The following MINAR2 variants were observed in gnomAD, a reference collection of about 807,000 sequenced individuals.
The protein encoded by MINAR2 is major intrinsically disordered NOTCH2-binding receptor 1-like.
A neutral mutation model predicts 16.1 loss-of-function variants in MINAR2; 21 were observed. That is an observed-to-expected ratio of 1.31 (90% CI 0.93 to 1.88). The LOEUF is 1.88. Among genes scored for constraint, MINAR2 ranks in the 40% most tolerant of loss-of-function variants. The pLI, the probability that MINAR2 is intolerant of heterozygous loss-of-function variation, is 0.00. For missense variants in MINAR2, 259 were observed against 229.8 expected (o/e 1.13, Z -0.82); for synonymous variants, 86 against 83.0 (o/e 1.04, Z -0.20).
chr5:129,759,313 G>C (rs11746536), intron 1 of MINAR2, among the ~76,000 whole-genome samples: 74,631 of 151,912 alleles, frequency 0.49, 20,525 homozygotes, highest in Non-Finnish European at 0.62. Flanking sequence ...AAAGATTAAA[G>C]ATTATCTAAA....
At chr5:129,757,882 C>G (rs1758076023) in intron 1 of MINAR2, among the ~76,000 whole-genome samples, 1 of 151,722 alleles carries the variant, frequency 6.6e-6, no homozygotes. Context: ...TTCTGTCTTT[C>G]TTTCTCTCTC....
chr5:129,748,675 C>A (rs1936060484), intron 1 of MINAR2, among the ~76,000 whole-genome samples: 1 of 152,090 alleles, frequency 6.6e-6, no homozygotes, highest in South Asian at 2.1e-4. Flanking sequence ...ACAAATAAGA[C>A]TTTGGGGGAA....
Position 129,760,464 on chromosome 5 carries a change from G to A in MINAR2, c.252G>A (p.Met84Ile). ...CTGCTGATAGCCCCCCACCATCCAT[G>A]TCATCAGTTATGAAGAATAACCCAC... ...LVTADSPPPSMSSVMKNNPLY... is the reference protein window; with the variant it reads ...LVTADSPPPSISSVMKNNPLY... Residue 84 changes from methionine (M) to isoleucine (I), a missense_variant, in exon 2 of 3, where the codon ATG becomes ATA. Met to Ile is a conservative substitution (Grantham distance 10, BLOSUM62 1). Coordinates refer to ENST00000564719, the MANE Select transcript of MINAR2 (RefSeq NM_001257308.2). The A allele has an allele frequency of 2.0e-6, 3 of 1,535,818 alleles. No individual in the cohort carries two copies. Among genetic ancestry groups the A allele is most frequent in the Non-Finnish European group, 2.6e-6 (3 of 1,146,596 alleles).
Position 129,760,415 on chromosome 5 carries a change from G to C in MINAR2, c.203G>C (p.Gly68Ala), listed in dbSNP as rs1330552774. The C allele has an allele frequency of 1.3e-6, 2 of 1,535,566 alleles. No homozygotes were observed. The highest frequency in any genetic ancestry group is 4.9e-5 in the East Asian group (2 of 40,914). Reference sequence around the variant, plus strand: ...AATATTGCTGCTCAACGAATTAGGGGATCCAGTGCAGACAGCCTTGTCACT... The same window carrying C: ...AATATTGCTGCTCAACGAATTAGGGCATCCAGTGCAGACAGCCTTGTCACT... The part of the protein sequence containing the change: ...KKNIAAQRIR[G>A]SSADSLVTAD... The change falls in exon 2 of 3, where the codon GGA (glycine) becomes GCA (alanine). Residue 68 changes from glycine to alanine, a missense_variant. Physicochemically the swap from Gly to Ala is moderately conservative, Grantham distance 60. Transcript: ENST00000564719.
At chr5:129,755,496 C>G (rs570980563) in intron 1 of MINAR2, among the ~76,000 whole-genome samples, 1 of 150,718 alleles carries the variant, frequency 6.6e-6, no homozygotes, top group Non-Finnish European at 1.5e-5. Flanking sequence ...ACTATTGATT[C>G]GACTAGTCAA....
rs184792221 is a variant in MINAR2, at chr5:129,760,238, A to G, written c.166-140A>G. On this transcript the variant is annotated intron_variant, in intron 1 of 2. Transcript: ENST00000564719. Reference sequence around the variant, plus strand: ...AGATTTCTAGGTCAAACGAAACCCTAGAATCCTTTTCTCATTCATTGTCCT... The same window carrying G: ...AGATTTCTAGGTCAAACGAAACCCTGGAATCCTTTTCTCATTCATTGTCCT... 1,056 of 661,310 alleles carry G rather than the reference A, an allele frequency of 1.6e-3. 13 individuals carry two copies. Among genetic ancestry groups the G allele is most frequent in the South Asian group, 2.5e-3 (126 of 51,302 alleles). 41.0% of individuals were successfully genotyped at this position (661,310 alleles called of 1,614,324 possible). A position where few individuals can be genotyped will look rare whatever the true frequency, so the allele number is the denominator to read the frequency against.
Position 129,752,217 on chromosome 5 carries a change from A to G in MINAR2, c.165+3862A>G, listed in dbSNP as rs564897417. Among the ~76,000 whole-genome samples, 4 of 152,318 alleles carry G rather than the reference A, an allele frequency of 2.6e-5. No individual in the cohort carries two copies. The East Asian group carries it at 7.7e-4, about 29-fold the overall frequency. The stretch of plus-strand genomic sequence containing the variant: ...TACCATTTGACCCAGCAATCCCATT[A>G]CTGGGTATATACCCAAAGGATTATA... On this transcript the variant is annotated intron_variant, in intron 1 of 2. Coordinates refer to ENST00000564719, the MANE Select transcript of MINAR2 (RefSeq NM_001257308.2).
intron 1 of MINAR2, 143 bp downstream of exon 1, chr5:129,748,498 T>C: frequency 1.3e-6 from 1 of 755,994 alleles, no homozygotes; most frequent in Non-Finnish European, 2.0e-6. Flanking sequence ...CTTTCTCTCT[T>C]CCTTAACATT....
At chr5:129,753,023 C>A (rs1467308162) in intron 1 of MINAR2, among the ~76,000 whole-genome samples, 5 of 152,128 alleles carry the variant, frequency 3.3e-5, no homozygotes, top group Non-Finnish European at 4.4e-5. Context: ...CACCTTTCTG[C>A]ACTCTTTTTC....
At chr5:129,752,596 T>G (rs936415353) in intron 1 of MINAR2, among the ~76,000 whole-genome samples, 1 of 152,020 alleles carries the variant, frequency 6.6e-6, no homozygotes, top group Non-Finnish European at 1.5e-5. Context: ...AGGGGAGGGA[T>G]AGCATTAGGA....
intron 2 of MINAR2, among the ~76,000 whole-genome samples, chr5:129,761,286 A>T (rs1367803446): frequency 6.6e-6 from 1 of 152,174 alleles, no homozygotes; most frequent in African/African-American, 2.4e-5. Context: ...TGTTTTCTGA[A>T]TGGACTGGAT....
At chr5:129,762,570 G>T in intron 2 of MINAR2, 2 of 346,468 alleles carry the variant, frequency 5.8e-6, no homozygotes, top group Non-Finnish European at 1.2e-5. Context: ...GCTCTTTGTG[G>T]AATTAGTCCA....
intron 1 of MINAR2, 61 bp from the exon 2 acceptor site, chr5:129,760,317 T>C (rs1758115617): frequency 8.1e-7 from 1 of 1,237,130 alleles, no homozygotes; most frequent in African/African-American, 1.5e-5. Context: ...TTATCTCACA[T>C]TGCATTCCCT....
chr5:129,756,566 C>T (rs112342995), intron 1 of MINAR2, among the ~76,000 whole-genome samples: 20 of 152,172 alleles, frequency 1.3e-4, no homozygotes, highest in Non-Finnish European at 2.6e-4. Flanking sequence ...TCAGTGAGAA[C>T]ATACGATGTT....
chr5:129,751,801 A>G (rs1757987903), intron 1 of MINAR2, among the ~76,000 whole-genome samples: 1 of 152,176 alleles, frequency 6.6e-6, no homozygotes, highest in African/African-American at 2.4e-5. Context: ...ATGTATTCCA[A>G]ATATTTCTGC....
intron 1 of MINAR2, among the ~76,000 whole-genome samples, chr5:129,756,884 A>C (rs1274842381): frequency 6.8e-6 from 1 of 147,344 alleles, no homozygotes; most frequent in Non-Finnish European, 1.5e-5. Context: ...TTTACTGGTC[A>C]AGCTTGAGTT....
chr5:129,762,382 T>G (rs1758148608), intron 2 of MINAR2: 1 of 178,178 alleles, frequency 5.6e-6, no homozygotes, highest in Admixed American at 6.3e-5. Flanking sequence ...ATTTTCATTT[T>G]TCTGATTACC....
In MINAR2 at chr5:129,760,360, T is replaced by C. The variant is rs1377689573; in HGVS notation, c.166-18T>C. ...GAAGGCCCGTTGCTAAGAGATGCCT[T>C]GTTTCTTTGCCTCTTAGAGGGAAAA... On this transcript the variant is annotated intron_variant, in intron 1 of 2. Transcript: ENST00000564719. The C allele has an allele frequency of 3.3e-6, 5 of 1,529,194 alleles. No homozygotes were observed. Among genetic ancestry groups the C allele is most frequent in the Non-Finnish European group, 3.5e-6 (4 of 1,141,048 alleles). 94.7% of individuals were successfully genotyped at this position (1,529,194 alleles called of 1,614,324 possible).
chr5:129,750,827 G>A (rs1757976758), intron 1 of MINAR2, among the ~76,000 whole-genome samples: 1 of 152,162 alleles, frequency 6.6e-6, no homozygotes, highest in Admixed American at 6.5e-5. Flanking sequence ...GCACATGGTG[G>A]TTGAGGGGAT....
Sources: allele counts gnomAD v4.1 joint callset (sites outside exome capture counted in the v4.1 genomes callset), GRCh38; gene constraint gnomAD v4.1.1; transcripts MANE v1.5; gene names NCBI Gene and HGNC (gene_info 2026-07-23, HGNC 2026-07-21).